Variants in TFB1M observed in about 807,000 individuals in gnomAD.
The protein encoded by TFB1M is dimethyladenosine transferase 1, mitochondrial.
TFB1M carries 27 observed loss-of-function variants against 31.1 expected under a neutral mutation model. The observed-to-expected ratio is 0.87, with a 90% CI of 0.64 to 1.20. The LOEUF (loss-of-function observed/expected upper bound fraction) is 1.20. Among genes scored for constraint, TFB1M ranks in the 50% most tolerant of loss-of-function variants. The pLI, the probability that TFB1M is intolerant of heterozygous loss-of-function variation, is 0.00. For missense variants in TFB1M, 394 were observed against 418.7 expected (o/e 0.94, Z 0.51); for synonymous variants, 166 against 151.8 (o/e 1.09, Z -0.69).
chr6:155,265,211 G>A (rs1271108754), intron 5 of TFB1M, among the ~76,000 whole-genome samples: 1 of 152,222 alleles, frequency 6.6e-6, no homozygotes, highest in African/African-American at 2.4e-5. Context: ...GGGTGTGGCA[G>A]CACATTGGCA....
intron 2 of TFB1M, chr6:155,310,892 G>A (rs1777987049): frequency 2.7e-6 from 1 of 368,218 alleles, no homozygotes. Flanking sequence ...GACATGCATA[G>A]CTATTAGCAG....
downstream of TFB1M, chr6:155,254,010 G>T: frequency 6.2e-7 from 1 of 1,614,090 alleles, no homozygotes; most frequent in Non-Finnish European, 8.5e-7. Flanking sequence ...TGATCCATAC[G>T]AAGTCAGAAA....
At chr6:155,252,016 T>C (rs1783691479), downstream of TFB1M, 2 of 1,590,500 alleles carry the variant, frequency 1.3e-6, no homozygotes, top group Non-Finnish European at 1.7e-6. Context: ...AAGGCAAAAA[T>C]TCATTTTAAT....
chr6:155,298,697 G>T, intron 2 of TFB1M, 112 bp from the exon 3 acceptor site: 1 of 729,774 alleles, frequency 1.4e-6, no homozygotes, highest in East Asian at 2.6e-5. Flanking sequence ...AGAGACCAGG[G>T]GTGATCATTA....
intron 4 of TFB1M, among the ~76,000 whole-genome samples, chr6:155,286,383 T>C (rs1776627462): frequency 6.6e-6 from 1 of 151,558 alleles, no homozygotes; most frequent in Admixed American, 6.6e-5. Flanking sequence ...CACACACATA[T>C]ATGTATATAT....
chr6:155,262,949 T>C lies in TFB1M; in HGVS notation c.667-2549A>G, dbSNP rs530394295. 1.4e-4 allele frequency among the ~76,000 whole-genome samples: 21 copies of C among 152,348 alleles called. 1 individual carries two copies. Among genetic ancestry groups the C allele is most frequent in the Admixed American group, 6.5e-4 (10 of 15,300 alleles). On this transcript the variant is annotated intron_variant, in intron 5 of 6. Transcript: ENST00000367166. ...AAGTTTGAATACAATTCCAATACTC[T>C]GTTAAGTTGGCTTATATTATGTCAC... is the stretch of plus-strand genomic sequence containing the variant.
chr6:155,305,728 T>TAA lies in TFB1M; in HGVS notation c.285+5459_285+5460insTT, dbSNP rs1320630648. Among the ~76,000 whole-genome samples, 19 of 113,040 alleles carry TAA rather than the reference T, an allele frequency of 1.7e-4. 1 individual carries two copies. Among genetic ancestry groups the TAA allele is most frequent in the African/African-American group, 6.5e-4 (19 of 29,296 alleles). 74.2% of individuals were successfully genotyped at this position (113,040 alleles called of 152,430 possible). On this transcript the variant is annotated intron_variant, in intron 2 of 6. Coordinates refer to ENST00000367166, the MANE Select transcript of TFB1M (RefSeq NM_016020.4). Reference sequence around the variant, plus strand: ...ATATATTAAATTATATATTTATATATATATTAAATTATATATTTATATATA... The same window carrying TAA: ...ATATATTAAATTATATATTTATATATAAATATTAAATTATATATTTATATATA...
At chr6:155,295,536 A>C (rs1385828526) in intron 4 of TFB1M, among the ~76,000 whole-genome samples, 5 of 152,294 alleles carry the variant, frequency 3.3e-5, no homozygotes, top group African/African-American at 1.2e-4. Flanking sequence ...CAAAGGTACT[A>C]GTGATTTAAT....
At chr6:155,239,207 G>C in the TFB1M span, among the ~76,000 whole-genome samples, 1 of 152,226 alleles carries the variant, frequency 6.6e-6, no homozygotes, top group Non-Finnish European at 1.5e-5. Context: ...AGGCATGAAG[G>C]CATTTAAGCT....
chr6:155,303,078 AAT>A (rs1777508656), intron 2 of TFB1M: 1 of 152,244 alleles, frequency 6.6e-6, no homozygotes, highest in Non-Finnish European at 1.5e-5. Context: ...ATTGACACAT[AAT>A]AATTGTGTGT....
intron 4 of TFB1M, among the ~76,000 whole-genome samples, chr6:155,286,645 G>T (rs1362413951): frequency 7.7e-6 from 1 of 129,802 alleles, no homozygotes; most frequent in Non-Finnish European, 1.6e-5. Flanking sequence ...ATATGTGTGT[G>T]TGTGTATATA....
At chr6:155,272,986 G>A (rs1785003764) in intron 5 of TFB1M, among the ~76,000 whole-genome samples, 1 of 152,224 alleles carries the variant, frequency 6.6e-6, no homozygotes, top group African/African-American at 2.4e-5. Flanking sequence ...AAGAAAGAGA[G>A]AGGGAGAGAG....
the TFB1M span, among the ~76,000 whole-genome samples, chr6:155,237,462 C>CTAGGCGGTGCCCCAGTAGGGACTCTGT: frequency 1.3e-5 from 2 of 152,258 alleles, no homozygotes; most frequent in Non-Finnish European, 2.9e-5. Context: ...CACAACTCCA[C>CTAGGCGGTGCCCCAGTAGGGACTCTGT]TAGGCGGTGC....
chr6:155,253,079 C>T (rs1268342117), downstream of TFB1M: 1 of 1,574,882 alleles, frequency 6.3e-7, no homozygotes, highest in Non-Finnish European at 8.7e-7. Context: ...AGTATGATGC[C>T]AGAAAAAGCA....
At chr6:155,264,836 G>A (rs1373200909) in intron 5 of TFB1M, among the ~76,000 whole-genome samples, 2 of 152,114 alleles carry the variant, frequency 1.3e-5, no homozygotes, top group Non-Finnish European at 2.9e-5. Flanking sequence ...ATGTACATAT[G>A]TATGTATGTA....
At chr6:155,244,653 C>T in the TFB1M span, 1 of 1,613,758 alleles carries the variant, frequency 6.2e-7, no homozygotes, top group Non-Finnish European at 8.5e-7. Context: ...CTGATCTTCA[C>T]ATAGATGGAG....
rs780646763 is a variant in TFB1M, at chr6:155,256,616, C to A, written c.*1220G>T. ...GGCACCCAGAGCAGCGGCTGCCCCA[C>A]GGCTGAGGGCAGGCAGGACTCCAAG... On this transcript the variant is annotated 3_prime_UTR_variant, in exon 7 of 7. Transcript: ENST00000367166. 14 of 1,614,008 alleles carry A rather than the reference C, an allele frequency of 8.7e-6. No individual in the cohort carries two copies. The highest frequency in any genetic ancestry group is 1.2e-5 in the Non-Finnish European group (14 of 1,180,030).
chr6:155,238,993 G>C, the TFB1M span, among the ~76,000 whole-genome samples: 7 of 152,214 alleles, frequency 4.6e-5, no homozygotes, highest in African/African-American at 1.7e-4. Flanking sequence ...GAGGGCAGTT[G>C]AGAGTGGCCT....
chr6:155,246,483 T>C, the TFB1M span, among the ~76,000 whole-genome samples: 1 of 151,932 alleles, frequency 6.6e-6, no homozygotes, highest in Non-Finnish European at 1.5e-5. Context: ...TTTAATTAAA[T>C]TTAATTAATT....
Sources: gnomAD v4.1 joint callset for allele counts (sites outside exome capture counted in the v4.1 genomes callset) on GRCh38, gnomAD v4.1.1 for gene constraint, MANE v1.5 for transcripts, NCBI Gene and HGNC (gene_info 2026-07-23, HGNC 2026-07-21) for gene names.